Variants in ACTR3C observed in about 807,000 individuals in gnomAD.
ACTR3C encodes actin-related protein 3C.
In ACTR3C, 18 loss-of-function variants were observed where a neutral mutation model predicts 26.3. The ratio of observed to expected loss-of-function variants is 0.68; its 90% CI spans 0.47 to 1.01. The LOEUF (loss-of-function observed/expected upper bound fraction) is 1.01. Among genes scored for constraint, ACTR3C ranks in the 50% least tolerant of loss-of-function variants. The pLI, the probability that ACTR3C is intolerant of heterozygous loss-of-function variation, is 0.00. For missense variants in ACTR3C, 184 were observed against 250.7 expected (o/e 0.73, Z 1.80); for synonymous variants, 55 against 94.5 (o/e 0.58, Z 2.42).
the ACTR3C span, among the ~76,000 whole-genome samples, chr7:149,922,378 TTAC>T: frequency 6.9e-6 from 1 of 145,244 alleles, no homozygotes; most frequent in Admixed American, 7.4e-5. Context: ...AATGACACCA[TTAC>T]TACATGATCC....
chr7:150,022,242 T>C, the ACTR3C span, among the ~76,000 whole-genome samples: 1 of 152,100 alleles, frequency 6.6e-6, no homozygotes, highest in South Asian at 2.1e-4. Flanking sequence ...TTTTTTCATA[T>C]GTTTGTTGGC....
At chr7:150,130,837 C>T in the ACTR3C span, among the ~76,000 whole-genome samples, 1 of 152,100 alleles carries the variant, frequency 6.6e-6, no homozygotes, top group Non-Finnish European at 1.5e-5. Context: ...TGCAACGACA[C>T]GGATGAATCT....
At chr7:150,035,498 G>A in the ACTR3C span, among the ~76,000 whole-genome samples, 713 of 31,386 alleles carry the variant, frequency 0.023, 18 homozygotes, top group East Asian at 0.1. Flanking sequence ...GGCGGAAGAG[G>A]GGATAGCTCT....
At chr7:150,238,921 C>G (rs1832022038), downstream of ACTR3C, among the ~76,000 whole-genome samples, 1 of 148,798 alleles carries the variant, frequency 6.7e-6, no homozygotes, top group Non-Finnish European at 1.5e-5. Context: ...ATTTCTAAAA[C>G]TCTATAACAT....
At chr7:150,008,406 G>A in the ACTR3C span, among the ~76,000 whole-genome samples, 1 of 152,236 alleles carries the variant, frequency 6.6e-6, no homozygotes, top group Admixed American at 6.5e-5. Flanking sequence ...GGAGCCGCAC[G>A]TGGCTCCAGT....
At chr7:149,912,539 C>G in the ACTR3C span, among the ~76,000 whole-genome samples, 51 of 148,694 alleles carry the variant, frequency 3.4e-4, 2 homozygotes, top group Non-Finnish European at 3.0e-5. Flanking sequence ...TTCGCTCTTT[C>G]GAGCAGGCTA....
At chr7:149,907,363 C>T in the ACTR3C span, among the ~76,000 whole-genome samples, 1 of 145,486 alleles carries the variant, frequency 6.9e-6, no homozygotes, top group East Asian at 2.1e-4. Flanking sequence ...CCAAGACACG[C>T]AGCAGGCCAA....
At chr7:150,323,359 T>A in intron 1 of ACTR3C, 110 bp downstream of exon 1, 1 of 283,658 alleles carries the variant, frequency 3.5e-6, no homozygotes, top group South Asian at 2.7e-5. Flanking sequence ...TTCCGGGAGC[T>A]CAGGCCTGCG....
At chr7:149,992,755 T>C in the ACTR3C span, among the ~76,000 whole-genome samples, 1 of 152,158 alleles carries the variant, frequency 6.6e-6, no homozygotes, top group Non-Finnish European at 1.5e-5. Context: ...GATGTATGTG[T>C]ATATGAAACG....
the ACTR3C span, among the ~76,000 whole-genome samples, chr7:150,040,205 C>G: frequency 1.4e-5 from 2 of 147,986 alleles, 1 homozygote; most frequent in Non-Finnish European, 3.0e-5. Context: ...CAGTTGCTGC[C>G]AAGGCCCTCT....
chr7:150,227,282 C>T, the ACTR3C span, among the ~76,000 whole-genome samples: 4 of 151,294 alleles, frequency 2.6e-5, no homozygotes, highest in Admixed American at 1.3e-4. Context: ...TCCATATCTT[C>T]TCCTTTCCCA....
At chr7:150,036,945 T>G in the ACTR3C span, among the ~76,000 whole-genome samples, 157 of 43,096 alleles carry the variant, frequency 3.6e-3, 1 homozygote, top group Non-Finnish European at 5.4e-3. Context: ...TAAGAGCCAG[T>G]GGGGGAACCA....
the ACTR3C span, among the ~76,000 whole-genome samples, chr7:150,005,955 C>T: frequency 6.6e-6 from 1 of 152,148 alleles, no homozygotes; most frequent in East Asian, 1.9e-4. Context: ...GTCTGCTCAA[C>T]AGAAAGCCAT....
the ACTR3C span, among the ~76,000 whole-genome samples, chr7:149,915,511 C>G: frequency 2.8e-5 from 1 of 35,460 alleles, no homozygotes; most frequent in African/African-American, 6.2e-5. Flanking sequence ...AGGAAGAGTC[C>G]ATTTTGTTTT....
chr7:149,909,688 T>C, the ACTR3C span: 1 of 453,988 alleles, frequency 2.2e-6, no homozygotes, highest in Non-Finnish European at 3.8e-6. Flanking sequence ...GTTGCCTGCG[T>C]AGCCAAGCTT....
chr7:150,321,668 A>C (rs1462358108), intron 1 of ACTR3C, among the ~76,000 whole-genome samples: 1 of 152,202 alleles, frequency 6.6e-6, no homozygotes, highest in African/African-American at 2.4e-5. Flanking sequence ...TGAACTCAGG[A>C]GGTGGAGGTT....
chr7:150,178,574 G>A, the ACTR3C span, among the ~76,000 whole-genome samples: 23,741 of 149,974 alleles, frequency 0.16, 4,067 homozygotes, highest in African/African-American at 0.38. Flanking sequence ...GTGAGCCACT[G>A]CACTCTGCCA....
At chr7:150,284,077 T>C (rs535643072) in intron 6 of ACTR3C, among the ~76,000 whole-genome samples, 1 of 152,274 alleles carries the variant, frequency 6.6e-6, no homozygotes, top group African/African-American at 2.4e-5. Flanking sequence ...CTCTATGTGA[T>C]GACACCACAT....
At chr7:149,932,484 A>G in the ACTR3C span, among the ~76,000 whole-genome samples, 1 of 152,166 alleles carries the variant, frequency 6.6e-6, no homozygotes, top group Non-Finnish European at 1.5e-5. Flanking sequence ...TGGTATGTAA[A>G]TTATACGTCA....
Sources: gnomAD v4.1 joint callset for allele counts (sites outside exome capture counted in the v4.1 genomes callset) on GRCh38, gnomAD v4.1.1 for gene constraint, MANE v1.5 for transcripts, NCBI Gene and HGNC (gene_info 2026-07-23, HGNC 2026-07-21) for gene names.